Variants in EXO1 observed in about 807,000 individuals in gnomAD.
The protein encoded by EXO1 is exonuclease 1.
A neutral mutation model predicts 84.5 loss-of-function variants in EXO1; 69 were observed. That is an observed-to-expected ratio of 0.82 (90% confidence interval 0.67 to 1.00). EXO1 has a LOEUF of 1.00. Among genes scored for constraint, EXO1 ranks in the 50% least tolerant of loss-of-function variants. The probability of loss-of-function intolerance (pLI) is 0.00; values close to 1 mark genes in which losing one functional copy is unlikely to be tolerated. For missense variants in EXO1, 1,045 were observed against 1,000.7 expected (o/e 1.04, Z -0.60); for synonymous variants, 373 against 366.1 (o/e 1.02, Z -0.21).
At chr1:241,887,942 T>C (rs997604560) in intron 15 of EXO1, among the ~76,000 whole-genome samples, 1 of 152,134 alleles carries the variant, frequency 6.6e-6, no homozygotes, top group African/African-American at 2.4e-5. Flanking sequence ...CCTGGCCCCT[T>C]TTTGTTCCAA....
At chr1:241,878,275 G>A (rs1662514804) in intron 12 of EXO1, among the ~76,000 whole-genome samples, 1 of 152,198 alleles carries the variant, frequency 6.6e-6, no homozygotes, top group African/African-American at 2.4e-5. Flanking sequence ...AAGGCGGGCG[G>A]ATCACCTGAG....
intron 13 of EXO1, among the ~76,000 whole-genome samples, chr1:241,880,139 T>C (rs915747520): frequency 2.0e-5 from 3 of 152,202 alleles, no homozygotes; most frequent in African/African-American, 7.2e-5. Context: ...TTTCTCCTTA[T>C]GACAAAACAA....
chr1:241,888,011 A>G (rs1479441510), intron 15 of EXO1, among the ~76,000 whole-genome samples: 1 of 152,162 alleles, frequency 6.6e-6, no homozygotes, highest in Non-Finnish European at 1.5e-5. Flanking sequence ...GAGGTAAACT[A>G]TCATACTTCC....
Position 241,860,607 on chromosome 1 carries a change from C to T in EXO1, c.847C>T (p.Leu283Phe), listed in dbSNP as rs1379177845. The T allele has an allele frequency of 6.2e-7, 1 of 1,613,624 alleles. No individual in the cohort carries two copies. The highest frequency in any genetic ancestry group is 8.5e-7 in the Non-Finnish European group (1 of 1,179,658). ...GTTTATTCGGGCCAACAATACCTTC[C>T]TCTATCAGCTAGTTTTTGATCCCAT... ...NGFIRANNTF[L>F]YQLVFDPIKR... Residue 283 changes from leucine to phenylalanine, a missense_variant, in exon 9 of 16, where the codon CTC becomes TTC. Coordinates refer to ENST00000366548, the MANE Select transcript of EXO1 (RefSeq NM_130398.4).
intron 5 of EXO1, 69 bp from the exon 6 acceptor site, chr1:241,853,289 A>G (rs1377605772): frequency 6.5e-7 from 1 of 1,540,376 alleles, no homozygotes; most frequent in Non-Finnish European, 9.0e-7. Flanking sequence ...CTTGAATTAC[A>G]GTTCTGTTAC....
intron 6 of EXO1, among the ~76,000 whole-genome samples, chr1:241,855,262 CAA>C (rs1486991871): frequency 1.3e-5 from 2 of 150,350 alleles, no homozygotes; most frequent in South Asian, 2.1e-4. Context: ...GAGCTGGACA[CAA>C]AGATTCTCCA....
chr1:241,856,972 C>G (rs959460757), intron 6 of EXO1, among the ~76,000 whole-genome samples: 2 of 152,116 alleles, frequency 1.3e-5, no homozygotes, highest in Admixed American at 6.5e-5. Flanking sequence ...CCCAGGAGGT[C>G]GAAGCTGCAG....
rs1380815826 is a variant in EXO1 at position 241,882,151 on chromosome 1, CTTTATGCTTGACTGTAGGT to C, written c.2211+135_2211+153del. On this transcript the variant is annotated intron_variant, in intron 14 of 15. Transcript: ENST00000366548. ...TTATATAAAAATGTCTACTTTAAAA[CTTTATGCTTGACTGTAGGT>C]GTTTAAGTTGTGAAACTTATTTTCT... The C allele has an allele frequency of 5.5e-5, 33 of 604,160 alleles. 1 individual carries two copies. The Admixed American group carries it at 9.8e-4, about 18-fold the overall frequency. The allele number at this position is 604,160 out of a possible 1,614,324, so 37.4% of individuals were successfully genotyped here. A position where few individuals can be genotyped will look rare whatever the true frequency, so the allele number is the denominator to read the frequency against.
In EXO1 at chr1:241,882,529, G is replaced by A. The variant is rs568575636; in HGVS notation, c.2211+512G>A. 2.6e-5 allele frequency among the ~76,000 whole-genome samples: 4 copies of A among 152,204 alleles called. No homozygotes were observed. The East Asian group carries it at 7.7e-4, about 29-fold the overall frequency. On this transcript the variant is annotated intron_variant, in intron 14 of 15. Transcript: ENST00000366548. ...GTTGAATCAAAATATATAAATATTTGTGTTACTACATAGTAAAGCATATTT... is the reference window on the plus strand; with the variant it reads ...GTTGAATCAAAATATATAAATATTTATGTTACTACATAGTAAAGCATATTT...
chr1:241,878,741 T>C lies in EXO1; in HGVS notation c.1515-8T>C, dbSNP rs778591616. ...CTTACTTATTGTTTCTATTGCTTTT[T>C]TTATTAGGTTTTTTTGCAGTTCAGA... On this transcript the variant is annotated splice_polypyrimidine_tract_variant and splice_region_variant and intron_variant, in intron 12 of 15. Transcript: ENST00000366548. 1 of 1,580,482 alleles carries C rather than the reference T, an allele frequency of 6.3e-7. No homozygotes were observed. The highest frequency in any genetic ancestry group is 1.7e-5 in the Admixed American group (1 of 59,522).
intron 3 of EXO1, 50 bp from the exon 4 acceptor site, chr1:241,850,359 A>T: frequency 8.2e-7 from 1 of 1,223,690 alleles, no homozygotes; most frequent in Non-Finnish European, 1.2e-6. Flanking sequence ...GTTTTAATAA[A>T]TGTATTTTTC....
intron 15 of EXO1, 63 bp downstream of exon 15, chr1:241,885,570 C>A: frequency 1.6e-6 from 2 of 1,242,854 alleles, no homozygotes; most frequent in Non-Finnish European, 1.2e-6. Context: ...ATTTCCATCC[C>A]TTTCTCCCAA....
chr1:241,887,705 C>G (rs1461622198), intron 15 of EXO1, among the ~76,000 whole-genome samples: 2 of 152,138 alleles, frequency 1.3e-5, no homozygotes, highest in Non-Finnish European at 2.9e-5. Flanking sequence ...GTGGCACAAT[C>G]TCAGCTCACT....
At chr1:241,883,768 ATTCATGTACACATTTGCATGTT>A (rs533604420) in intron 14 of EXO1, among the ~76,000 whole-genome samples, 9 of 152,344 alleles carry the variant, frequency 5.9e-5, no homozygotes, top group African/African-American at 1.9e-4. Context: ...ACTTTAAAAT[ATTCATGTACACATTTGCATGTT>A]TGTGGCATCC....
At position 241,857,473 on chromosome 1, in the gene EXO1, C is replaced by G. The variant is rs761739538; in HGVS notation, c.534C>G (p.Gly178=). 3.2e-5 allele frequency: 51 copies of G among 1,613,372 alleles called. No individual in the cohort carries two copies. The highest frequency in any genetic ancestry group is 4.2e-5 in the Non-Finnish European group (49 of 1,179,780). ...AGGACTCGGATCTCCTAGCTTTTGGCTGTAAAAAGGTACTCACCTCTGACT... is the reference window on the plus strand; with the variant it reads ...AGGACTCGGATCTCCTAGCTTTTGGGTGTAAAAAGGTACTCACCTCTGACT... The part of the protein sequence containing the change: ...ITEDSDLLAF[G]CKKVILKMDQ... Residue 178 remains glycine (G), a synonymous_variant, in exon 7 of 16, where the codon GGC becomes GGG. Coordinates refer to ENST00000366548, the MANE Select transcript of EXO1 (RefSeq NM_130398.4).
chr1:241,860,162 T>A (rs1420086339), intron 8 of EXO1, among the ~76,000 whole-genome samples: 2 of 152,244 alleles, frequency 1.3e-5, no homozygotes, highest in Admixed American at 6.5e-5. Flanking sequence ...ATTTGCATTT[T>A]TTTAATTCTC....
intron 12 of EXO1, among the ~76,000 whole-genome samples, chr1:241,877,770 AT>A (rs1209796561): frequency 6.6e-6 from 1 of 151,502 alleles, no homozygotes; most frequent in Non-Finnish European, 1.5e-5. Flanking sequence ...CTTTAGTAAT[AT>A]GGAATTTATG....
intron 13 of EXO1, among the ~76,000 whole-genome samples, chr1:241,881,061 T>C (rs1447651139): frequency 6.6e-6 from 1 of 152,188 alleles, no homozygotes. Context: ...TTAAGTCTGC[T>C]CTGTTGCCTA....
intron 3 of EXO1, among the ~76,000 whole-genome samples, chr1:241,849,486 G>A (rs73127934): frequency 1.2e-3 from 183 of 152,332 alleles, no homozygotes; most frequent in African/African-American, 4.2e-3. Context: ...CATAGCAGAC[G>A]CAGTTTCACA....
Sources: allele counts gnomAD v4.1 joint callset (sites outside exome capture counted in the v4.1 genomes callset), GRCh38; gene constraint gnomAD v4.1.1; transcripts MANE v1.5; gene names NCBI Gene and HGNC (gene_info 2026-07-23, HGNC 2026-07-21).